The following DLG1 variants were observed in gnomAD, a reference collection of about 807,000 sequenced individuals.
The protein encoded by DLG1 is discs large MAGUK scaffold protein 1.
A neutral mutation model predicts 123.4 loss-of-function variants in DLG1; 42 were observed. The ratio of observed to expected loss-of-function variants is 0.34; its 90% CI spans 0.27 to 0.44. The LOEUF is 0.44. Ranked by LOEUF, DLG1 falls within the 20% of genes least tolerant of loss-of-function variation. DLG1 has a pLI of 1.00. For synonymous variants in DLG1, 317 were observed against 356.2 expected, an observed-to-expected ratio of 0.89 and a Z score of 1.24; for missense variants, 942 against 1,082.6, an observed-to-expected ratio of 0.87 and a Z score of 1.82.
chr3:197,092,899 T>C (rs1233335383), intron 14 of DLG1, among the ~76,000 whole-genome samples: 1 of 152,180 alleles, frequency 6.6e-6, no homozygotes, highest in Non-Finnish European at 1.5e-5. Context: ...TATTTTCAAC[T>C]TCAATTTGCC....
chr3:197,203,693 C>T (rs907786402), intron 4 of DLG1, among the ~76,000 whole-genome samples: 1 of 152,202 alleles, frequency 6.6e-6, no homozygotes, highest in African/African-American at 2.4e-5. Flanking sequence ...CTCACTTTCA[C>T]TTTTGCAATC....
chr3:197,169,538 G>A (rs1392756247), intron 5 of DLG1, among the ~76,000 whole-genome samples: 2 of 152,108 alleles, frequency 1.3e-5, no homozygotes, highest in African/African-American at 2.4e-5. Flanking sequence ...ACAAGAGTTC[G>A]ACTCAGGTAT....
In DLG1 at chr3:197,115,059, T is replaced by C. The variant is rs186187489; in HGVS notation, c.1443+868A>G. Among the ~76,000 whole-genome samples the C allele has an allele frequency of 2.7e-5, 4 of 148,640 alleles. No homozygotes were observed. In the East Asian group the frequency reaches 5.9e-4, roughly 22 times the overall value. On this transcript the variant is annotated intron_variant, in intron 13 of 24. Coordinates refer to ENST00000667157, the MANE Select transcript of DLG1 (RefSeq NM_001366207.1). ...GACAGTCCTATACAACAAATAACTGTACAATCCAAATGCTGTTAGTGGTCC... is the reference window on the plus strand; with the variant it reads ...GACAGTCCTATACAACAAATAACTGCACAATCCAAATGCTGTTAGTGGTCC...
intron 4 of DLG1, among the ~76,000 whole-genome samples, chr3:197,235,694 A>C (rs926089926): frequency 6.6e-6 from 1 of 152,240 alleles, no homozygotes; most frequent in Non-Finnish European, 1.5e-5. Context: ...TTTCCAGAGA[A>C]AACAGTACTT....
At chr3:197,049,471 T>A (rs1273468675) in intron 24 of DLG1, among the ~76,000 whole-genome samples, 3 of 152,204 alleles carry the variant, frequency 2.0e-5, no homozygotes, top group African/African-American at 7.2e-5. Flanking sequence ...AAAAGATGAA[T>A]GAGCCGGGCC....
intron 15 of DLG1, among the ~76,000 whole-genome samples, chr3:197,088,922 G>T (rs1288141287): frequency 6.6e-6 from 1 of 152,214 alleles, no homozygotes; most frequent in South Asian, 2.1e-4. Flanking sequence ...GACTGTAAAT[G>T]CTATTAGTTT....
chr3:197,298,858 G>A (rs916207374), upstream of DLG1: 7 of 349,352 alleles, frequency 2.0e-5, no homozygotes, highest in Non-Finnish European at 3.1e-5. Flanking sequence ...AGAGTTTGAG[G>A]GTTATAGTAC....
At chr3:197,246,102 G>A (rs1751602181) in intron 4 of DLG1, among the ~76,000 whole-genome samples, 1 of 152,096 alleles carries the variant, frequency 6.6e-6, no homozygotes, top group Admixed American at 6.5e-5. Flanking sequence ...TTGATTTATT[G>A]CAAACAATTC....
At chr3:197,167,461 C>T (rs931424037) in intron 5 of DLG1, among the ~76,000 whole-genome samples, 1 of 152,086 alleles carries the variant, frequency 6.6e-6, no homozygotes, top group Non-Finnish European at 1.5e-5. Context: ...TTAACACCAC[C>T]AGTAACGGGA....
chr3:197,127,036 T>C (rs545494053), intron 11 of DLG1, among the ~76,000 whole-genome samples: 1 of 152,244 alleles, frequency 6.6e-6, no homozygotes, highest in East Asian at 1.9e-4. Flanking sequence ...ATTAACTCAA[T>C]GCAAAGAACA....
chr3:197,131,501 T>C (rs1321942532), intron 10 of DLG1, among the ~76,000 whole-genome samples: 2 of 151,928 alleles, frequency 1.3e-5, no homozygotes, highest in African/African-American at 2.4e-5. Flanking sequence ...ACTAAACTAA[T>C]TTATTAGTTC....
chr3:197,192,715 T>C (rs914698417), intron 5 of DLG1, among the ~76,000 whole-genome samples: 3 of 152,126 alleles, frequency 2.0e-5, no homozygotes, highest in African/African-American at 7.2e-5. Flanking sequence ...CATGTCTTTA[T>C]GTATGTGTAT....
chr3:197,120,783 T>C (rs2149445361), intron 11 of DLG1, among the ~76,000 whole-genome samples: 1 of 152,304 alleles, frequency 6.6e-6, no homozygotes, highest in South Asian at 2.1e-4. Flanking sequence ...TCTATTGATA[T>C]TACAGGTTTG....
intron 4 of DLG1, among the ~76,000 whole-genome samples, chr3:197,251,118 G>A (rs928162013): frequency 3.3e-5 from 5 of 151,642 alleles, no homozygotes; most frequent in Middle Eastern, 6.4e-3. Flanking sequence ...AGGCACGGTG[G>A]CTCATGCCTG....
At chr3:197,188,302 T>A (rs1182923521) in intron 5 of DLG1, among the ~76,000 whole-genome samples, 1 of 152,216 alleles carries the variant, frequency 6.6e-6, no homozygotes, top group East Asian at 1.9e-4. Flanking sequence ...CAACACTTTA[T>A]GCAAATGTCA....
chr3:197,080,267 CTTTTTTTTTTTTTTTT>C (rs767056279), intron 17 of DLG1, among the ~76,000 whole-genome samples: 3 of 51,870 alleles, frequency 5.8e-5, no homozygotes, highest in African/African-American at 8.4e-5. Flanking sequence ...GATATATTTC[CTTTTTTTTTTTTTTTT>C]TTTTTTTTTT....
At chr3:197,090,807 TA>T (rs1578957890) in intron 15 of DLG1, 104 bp downstream of exon 15, 1 of 606,156 alleles carries the variant, frequency 1.6e-6, no homozygotes, top group Non-Finnish European at 2.9e-6. Context: ...TGATTGGCAA[TA>T]TATTTTCTTA....
intron 11 of DLG1, among the ~76,000 whole-genome samples, chr3:197,130,044 A>G (rs1781723345): frequency 6.6e-6 from 1 of 152,206 alleles, no homozygotes; most frequent in Non-Finnish European, 1.5e-5. Context: ...TGCTGAAGAA[A>G]AAAGGTGCTG....
At chr3:197,260,750 C>CAAAAAAAAAAA (rs570596943) in intron 4 of DLG1, among the ~76,000 whole-genome samples, 19 of 18,316 alleles carry the variant, frequency 1.0e-3, no homozygotes, top group East Asian at 3.1e-3. Context: ...TGACAACCAC[C>CAAAAAAAAAAA]AAAAAAAAAA....
Sources: allele counts gnomAD v4.1 joint callset (sites outside exome capture counted in the v4.1 genomes callset), GRCh38; gene constraint gnomAD v4.1.1; transcripts MANE v1.5; gene names NCBI Gene and HGNC (gene_info 2026-07-23, HGNC 2026-07-21).